ASAP1: variants seen among roughly 807,000 people sequenced by gnomAD.
ASAP1 encodes the protein arf-GAP with SH3 domain, ANK repeat and PH domain-containing protein 1.
In ASAP1, 43 loss-of-function variants were observed where a neutral mutation model predicts 145.2. That is an observed-to-expected ratio of 0.30 (90% CI 0.23 to 0.38). The LOEUF is 0.38. Ranked by LOEUF, ASAP1 falls within the 10% of genes least tolerant of loss-of-function variation. The pLI, the probability that ASAP1 is intolerant of heterozygous loss-of-function variation, is 1.00. For synonymous variants in ASAP1, 546 were observed against 515.5 expected, an observed-to-expected ratio of 1.06 and a Z score of -0.80; for missense variants, 1,018 against 1,355.3, an observed-to-expected ratio of 0.75 and a Z score of 3.91.
intron 3 of ASAP1, among the ~76,000 whole-genome samples, chr8:130,351,380 C>T (rs368893182): frequency 2.0e-5 from 3 of 152,116 alleles, no homozygotes; most frequent in South Asian, 2.1e-4. Context: ...AAGAATGCTA[C>T]TAGAATAAGC....
chr8:130,349,462 G>T (rs1825874521), intron 3 of ASAP1, among the ~76,000 whole-genome samples: 1 of 152,210 alleles, frequency 6.6e-6, no homozygotes, highest in African/African-American at 2.4e-5. Flanking sequence ...TAGCACACCA[G>T]GCACTGTTGT....
At chr8:130,142,741 C>T (rs775262952) in intron 13 of ASAP1, among the ~76,000 whole-genome samples, 8 of 152,176 alleles carry the variant, frequency 5.3e-5, no homozygotes, top group Non-Finnish European at 8.8e-5. Flanking sequence ...AGGGGACAAG[C>T]TGCAGGAGGT....
At chr8:130,264,473 A>C (rs1186173286) in intron 3 of ASAP1, among the ~76,000 whole-genome samples, 1 of 152,170 alleles carries the variant, frequency 6.6e-6, no homozygotes, top group Non-Finnish European at 1.5e-5. Context: ...GCCTGCTTAG[A>C]TACCAATAGT....
intron 2 of ASAP1, among the ~76,000 whole-genome samples, chr8:130,378,587 A>C (rs1434807480): frequency 6.6e-6 from 1 of 152,218 alleles, no homozygotes; most frequent in African/African-American, 2.4e-5. Context: ...CGGGTAGGCA[A>C]GGGTGGCCGA....
At position 130,120,573 on chromosome 8, in the gene ASAP1, C is replaced by T. The variant is rs568470920; in HGVS notation, c.1608-1898G>A. On this transcript the variant is annotated intron_variant, in intron 18 of 29. Coordinates refer to ENST00000518721, the MANE Select transcript of ASAP1 (RefSeq NM_018482.4). ...AACTAGGCTTAAAGATGCAAAGTTG[C>T]GGGGAGGTAGATCTTAGATTACTGT... 5.3e-5 allele frequency among the ~76,000 whole-genome samples: 8 copies of T among 152,246 alleles called. No homozygotes were observed. The East Asian group carries it at 5.8e-4, about 11-fold the overall frequency.
chr8:130,436,737 G>A (rs1036530997), intron 1 of ASAP1, among the ~76,000 whole-genome samples: 5 of 152,126 alleles, frequency 3.3e-5, no homozygotes, highest in Admixed American at 2.0e-4. Flanking sequence ...TGGATTAGAG[G>A]CTGCAGTGTG....
chr8:130,083,493 C>G (rs1221804145), intron 25 of ASAP1: 4 of 152,196 alleles, frequency 2.6e-5, no homozygotes, highest in Non-Finnish European at 5.9e-5. Flanking sequence ...GCTTTGAATT[C>G]TAGCTGTACT....
chr8:130,382,439 A>G (rs1160256238), intron 2 of ASAP1, among the ~76,000 whole-genome samples: 3 of 152,248 alleles, frequency 2.0e-5, no homozygotes, highest in African/African-American at 7.2e-5. Context: ...GATGTGTTGA[A>G]TAAGTAACAA....
chr8:130,221,355 TGTG>T (rs1817284537), intron 4 of ASAP1, among the ~76,000 whole-genome samples: 1 of 152,176 alleles, frequency 6.6e-6, no homozygotes, highest in Non-Finnish European at 1.5e-5. Context: ...AATCTCCCTT[TGTG>T]AAAGTGTTTC....
chr8:130,147,373 A>G (rs995366987), intron 13 of ASAP1, among the ~76,000 whole-genome samples: 1 of 152,156 alleles, frequency 6.6e-6, no homozygotes, highest in Non-Finnish European at 1.5e-5. Context: ...AATCTTTACA[A>G]TCACTTATGA....
In ASAP1 at chr8:130,082,351, AT is replaced by A. The variant is rs371518001; in HGVS notation, c.2573-2381del. 7.1e-3 allele frequency among the ~76,000 whole-genome samples: 1,081 copies of A among 152,134 alleles called. 16 individuals are homozygous for A. The highest frequency in any genetic ancestry group is 0.025 in the African/African-American group (1,036 of 41,518). On this transcript the variant is annotated intron_variant, in intron 25 of 29. Coordinates refer to ENST00000518721, the MANE Select transcript of ASAP1 (RefSeq NM_018482.4). ...GCTGTGATGTTCTTCAAGGTAGGGC[AT>A]TTATTTTTTTTCTTATTTTTTATTT...
At chr8:130,101,868 C>T (rs975128896) in intron 24 of ASAP1, among the ~76,000 whole-genome samples, 10 of 151,064 alleles carry the variant, frequency 6.6e-5, no homozygotes, top group African/African-American at 1.9e-4. Context: ...GCATCACACC[C>T]GGCTTTTTCT....
chr8:130,324,222 C>T (rs1824191283), intron 3 of ASAP1, among the ~76,000 whole-genome samples: 1 of 152,204 alleles, frequency 6.6e-6, no homozygotes, highest in African/African-American at 2.4e-5. Context: ...CCCCACTTCT[C>T]TGGCTGGTTG....
intron 2 of ASAP1, among the ~76,000 whole-genome samples, chr8:130,368,289 G>A (rs1368804501): frequency 2.0e-5 from 3 of 152,118 alleles, no homozygotes; most frequent in Admixed American, 2.0e-4. Flanking sequence ...TCAATATCAT[G>A]GGGGGTTTTG....
intron 25 of ASAP1, among the ~76,000 whole-genome samples, chr8:130,091,599 C>T (rs2097505556): frequency 6.6e-6 from 1 of 152,186 alleles, no homozygotes; most frequent in South Asian, 2.1e-4. Context: ...GAAAAGTGAC[C>T]ATGAGCTGAT....
chr8:130,430,860 C>T (rs926429877), intron 1 of ASAP1, among the ~76,000 whole-genome samples: 7 of 152,230 alleles, frequency 4.6e-5, no homozygotes, highest in Non-Finnish European at 7.4e-5. Context: ...GCAAGGACTT[C>T]GGGAAAAACA....
At chr8:130,106,626 G>C (rs1463400609) in intron 24 of ASAP1, among the ~76,000 whole-genome samples, 2 of 152,324 alleles carry the variant, frequency 1.3e-5, no homozygotes, top group Non-Finnish European at 2.9e-5. Flanking sequence ...CTATTTCTGG[G>C]ACATGCTTTC....
At chr8:130,119,016 G>T (rs944685083) in intron 18 of ASAP1, among the ~76,000 whole-genome samples, 42 of 152,116 alleles carry the variant, frequency 2.8e-4, no homozygotes, top group African/African-American at 1.0e-3. Flanking sequence ...AAAAATTTAA[G>T]AAGTTAAACA....
At chr8:130,223,092 T>C (rs1817389405) in intron 4 of ASAP1, among the ~76,000 whole-genome samples, 1 of 152,182 alleles carries the variant, frequency 6.6e-6, no homozygotes, top group South Asian at 2.1e-4. Context: ...TCATAATTAA[T>C]ATAAAAGCTC....
Sources: allele counts gnomAD v4.1 joint callset (sites outside exome capture counted in the v4.1 genomes callset), GRCh38; gene constraint gnomAD v4.1.1; transcripts MANE v1.5; gene names NCBI Gene and HGNC (gene_info 2026-07-23, HGNC 2026-07-21).